R3HCC1L: variants seen among roughly 807,000 people sequenced by gnomAD.
R3HCC1L encodes the protein R3H domain and coiled-coil containing 1 like.
Under a neutral mutation model 59.9 loss-of-function variants are expected in R3HCC1L, and 51 were observed. That is an observed-to-expected ratio of 0.85 (90% CI 0.68 to 1.07). The LOEUF (loss-of-function observed/expected upper bound fraction) is 1.07. Among genes scored for constraint, R3HCC1L ranks in the 50% least tolerant of loss-of-function variants. The probability of loss-of-function intolerance (pLI) is 0.00; values close to 1 mark genes in which losing one functional copy is unlikely to be tolerated. For synonymous variants in R3HCC1L, 322 were observed against 315.2 expected, an observed-to-expected ratio of 1.02 and a Z score of -0.23; for missense variants, 965 against 933.0, an observed-to-expected ratio of 1.03 and a Z score of -0.45.
At chr10:98,174,039 T>C (rs1250278241) in intron 4 of R3HCC1L, among the ~76,000 whole-genome samples, 1 of 152,158 alleles carries the variant, frequency 6.6e-6, no homozygotes, top group African/African-American at 2.4e-5. Context: ...AAAGAGGAGA[T>C]AGAACAACTT....
At chr10:98,204,472 T>C (rs1852408351) in intron 4 of R3HCC1L, among the ~76,000 whole-genome samples, 1 of 152,122 alleles carries the variant, frequency 6.6e-6, no homozygotes, top group Admixed American at 6.5e-5. Flanking sequence ...TGGGAAAAGT[T>C]TAATCCAAGG....
chr10:98,202,233 G>T (rs1378524601), intron 4 of R3HCC1L, among the ~76,000 whole-genome samples: 1 of 152,162 alleles, frequency 6.6e-6, no homozygotes, highest in Non-Finnish European at 1.5e-5. Flanking sequence ...GATGGAATCA[G>T]AGAAGAATAA....
chr10:98,195,588 TAC>T lies in R3HCC1L; in HGVS notation c.-14-12507_-14-12506del, dbSNP rs201805097. ...ATTGTAAAGTCCTTTTGTATTAAAA[TAC>T]ACACAAAAAAAAACTCTTTGTTAGC... On this transcript the variant is annotated intron_variant, in intron 4 of 9. Coordinates refer to ENST00000298999, the MANE Select transcript of R3HCC1L (RefSeq NM_001351015.2). Among the ~76,000 whole-genome samples the T allele has an allele frequency of 1.3e-4, 17 of 133,114 alleles. No homozygotes were observed. The East Asian group carries it at 3.6e-3, about 28-fold the overall frequency. 87.3% of individuals were successfully genotyped at this position (133,114 alleles called of 152,430 possible).
At chr10:98,169,523 A>G (rs556111941) in intron 4 of R3HCC1L, among the ~76,000 whole-genome samples, 2 of 152,280 alleles carry the variant, frequency 1.3e-5, no homozygotes, top group South Asian at 2.1e-4. Context: ...TTCCTCTACT[A>G]CTACTAAATC....
chr10:98,199,703 A>T (rs752816711), intron 4 of R3HCC1L, among the ~76,000 whole-genome samples: 12 of 152,038 alleles, frequency 7.9e-5, no homozygotes, highest in Admixed American at 1.3e-4. Flanking sequence ...AAACCTATTA[A>T]AAATGGAGAC....
intron 4 of R3HCC1L, chr10:98,186,547 C>A (rs1420700042): frequency 9.3e-6 from 9 of 970,904 alleles, no homozygotes; most frequent in African/African-American, 1.8e-5. Flanking sequence ...TCTTCTGAGA[C>A]TCCAGAGTCA....
chr10:98,147,427 T>C (rs993115199), intron 1 of R3HCC1L, among the ~76,000 whole-genome samples: 8 of 152,168 alleles, frequency 5.3e-5, no homozygotes, highest in African/African-American at 1.9e-4. Flanking sequence ...TAGTCCCATT[T>C]GTCTATTTTG....
At chr10:98,175,096 T>C (rs1243033372) in intron 4 of R3HCC1L, among the ~76,000 whole-genome samples, 1 of 152,166 alleles carries the variant, frequency 6.6e-6, no homozygotes, top group East Asian at 1.9e-4. Flanking sequence ...AGTAAGTCAA[T>C]GAAGTTTTAA....
intron 4 of R3HCC1L, among the ~76,000 whole-genome samples, chr10:98,197,021 A>T (rs1297832848): frequency 1.3e-5 from 2 of 151,772 alleles, no homozygotes; most frequent in African/African-American, 4.8e-5. Flanking sequence ...GGTTCAAGTG[A>T]TTCTCCTACT....
At chr10:98,194,407 G>T (rs1379336519) in intron 4 of R3HCC1L, among the ~76,000 whole-genome samples, 1 of 152,066 alleles carries the variant, frequency 6.6e-6, no homozygotes, top group Non-Finnish European at 1.5e-5. Context: ...TCTTGCATAT[G>T]ACATCAAAAG....
At chr10:98,239,725 T>C (rs1857326570) in intron 9 of R3HCC1L, among the ~76,000 whole-genome samples, 1 of 152,156 alleles carries the variant, frequency 6.6e-6, no homozygotes, top group South Asian at 2.1e-4. Context: ...TGAGACAGGG[T>C]CTCACTTTGT....
chr10:98,152,973 G>T (rs1318591436), intron 1 of R3HCC1L, among the ~76,000 whole-genome samples: 1 of 147,398 alleles, frequency 6.8e-6, no homozygotes, highest in Non-Finnish European at 1.5e-5. Context: ...CCAGCCAGCC[G>T]CCCTGTCCGG....
rs367853344 is a variant in R3HCC1L, at chr10:98,203,926, T to C, written c.-14-4175T>C. ...GTTAGCAATTGACTGACCTCCATTA[T>C]GAAGGAATCTGAATTTTTATCCCCT... On this transcript the variant is annotated intron_variant, in intron 4 of 9. Coordinates refer to ENST00000298999, the MANE Select transcript of R3HCC1L (RefSeq NM_001351015.2). Among the ~76,000 whole-genome samples the C allele has an allele frequency of 3.3e-5, 5 of 152,340 alleles. No homozygotes were observed. In the South Asian group the frequency reaches 1.0e-3, roughly 32 times the overall value.
intron 3 of R3HCC1L, 97 bp downstream of exon 3, chr10:98,163,072 G>A: frequency 4.7e-6 from 1 of 212,244 alleles, no homozygotes; most frequent in African/African-American, 2.3e-5. Context: ...CCTGTCCTCA[G>A]GTCTGAGAAT....
chr10:98,164,312 C>G (rs1323822945), intron 4 of R3HCC1L, among the ~76,000 whole-genome samples: 1 of 152,114 alleles, frequency 6.6e-6, no homozygotes, highest in Non-Finnish European at 1.5e-5. Context: ...CAAATAGAAT[C>G]CAGGGATGAG....
rs1471199532 is a variant in R3HCC1L at position 98,178,421 on chromosome 10, A to G, written c.-15+15024A>G. Among the ~76,000 whole-genome samples the G allele has an allele frequency of 4.6e-5, 7 of 152,038 alleles. No individual in the cohort carries two copies. The South Asian group carries it at 1.0e-3, about 23-fold the overall frequency. ...GGCCTCTGTTCTGTTCCATTGGTCT[A>G]TATCTCTGTTTTGGTACCAGTACCA... On this transcript the variant is annotated intron_variant, in intron 4 of 9. Coordinates refer to ENST00000298999, the MANE Select transcript of R3HCC1L (RefSeq NM_001351015.2).
intron 4 of R3HCC1L, among the ~76,000 whole-genome samples, chr10:98,199,386 A>C (rs1311467690): frequency 6.6e-6 from 1 of 151,962 alleles, no homozygotes; most frequent in East Asian, 1.9e-4. Flanking sequence ...TTTCTCTTAC[A>C]TGTTTATAGT....
intron 4 of R3HCC1L, among the ~76,000 whole-genome samples, chr10:98,177,614 C>T (rs951599493): frequency 7.9e-5 from 12 of 152,176 alleles, no homozygotes; most frequent in African/African-American, 2.7e-4. Context: ...ACACTGTCTT[C>T]CACAATGGTA....
chr10:98,203,213 T>C (rs527866731), intron 4 of R3HCC1L, among the ~76,000 whole-genome samples: 3 of 152,182 alleles, frequency 2.0e-5, no homozygotes, highest in South Asian at 2.1e-4. Context: ...GTCTGTAATT[T>C]GCCCTCAAAA....
Sources: gnomAD v4.1 joint callset for allele counts (sites outside exome capture counted in the v4.1 genomes callset) on GRCh38, gnomAD v4.1.1 for gene constraint, MANE v1.5 for transcripts, NCBI Gene and HGNC (gene_info 2026-07-23, HGNC 2026-07-21) for gene names.